Variants in NCOA1 observed in about 807,000 individuals in gnomAD.
NCOA1 encodes nuclear receptor coactivator 1, also known as Hin-2 protein.
Under a neutral mutation model 150.9 loss-of-function variants are expected in NCOA1, and 35 were observed. The ratio of observed to expected loss-of-function variants is 0.23; its 90% CI spans 0.18 to 0.31. The LOEUF (loss-of-function observed/expected upper bound fraction) is 0.31. NCOA1 is among the 10% of genes least tolerant of loss of function. NCOA1 has a pLI of 1.00. For missense variants in NCOA1, 1,491 were observed against 1,749.3 expected, an observed-to-expected ratio of 0.85 and a Z score of 2.63; for synonymous variants, 590 against 630.0, an observed-to-expected ratio of 0.94 and a Z score of 0.95.
At chr2:24,634,863 A>G (rs1453462688) in intron 3 of NCOA1, among the ~76,000 whole-genome samples, 4 of 151,926 alleles carry the variant, frequency 2.6e-5, no homozygotes, top group Non-Finnish European at 4.4e-5. Context: ...CTACAGGCAC[A>G]CACCACCTTG....
intron 1 of NCOA1, among the ~76,000 whole-genome samples, chr2:24,558,362 GA>G (rs1247860899): frequency 6.6e-6 from 1 of 152,170 alleles, no homozygotes. Context: ...GGAAGAAAAA[GA>G]GATTTAATTG....
chr2:24,742,124 G>A lies in NCOA1; in HGVS notation c.3644G>A (p.Gly1215Glu). 1 of 1,614,154 alleles carries A rather than the reference G, an allele frequency of 6.2e-7. No homozygotes were observed. Among genetic ancestry groups the A allele is most frequent in the Non-Finnish European group, 8.5e-7 (1 of 1,180,004 alleles). ...AGAGGCATGACAGGAAACATAGGAG[G>A]ACAGTTTGGCACTGGAATCAATCCT... ...VSRGMTGNIGGQFGTGINPQM... is the reference protein window; with the variant it reads ...VSRGMTGNIGEQFGTGINPQM... The change falls in exon 19 of 23, where the codon GGA becomes GAA. Residue 1215 changes from glycine to glutamate, a missense_variant. By Grantham distance (98) the Gly-to-Glu change is moderately conservative. This residue lies in a region of NCOA1 where 485 missense variants were observed against 522.8 expected (regional missense o/e 0.93). Transcript: ENST00000348332.
chr2:24,544,595 T>G (rs1314603403), intron 1 of NCOA1, among the ~76,000 whole-genome samples: 1 of 151,886 alleles, frequency 6.6e-6, no homozygotes, highest in African/African-American at 2.4e-5. Context: ...TACAAAAAAT[T>G]TGCTGGGCAT....
At chr2:24,496,499 G>C (rs762063622) in intron 1 of NCOA1, among the ~76,000 whole-genome samples, 1 of 152,112 alleles carries the variant, frequency 6.6e-6, no homozygotes, top group Non-Finnish European at 1.5e-5. Context: ...CATCAAAGCT[G>C]GTATGTTTTC....
intron 2 of NCOA1, among the ~76,000 whole-genome samples, chr2:24,576,603 A>G (rs1383838769): frequency 6.6e-6 from 1 of 152,204 alleles, no homozygotes; most frequent in Non-Finnish European, 1.5e-5. Flanking sequence ...CTGGGACAAC[A>G]AATCTAATCT....
chr2:24,732,859 C>G (rs1663088905), intron 17 of NCOA1, among the ~76,000 whole-genome samples: 1 of 151,862 alleles, frequency 6.6e-6, no homozygotes, highest in Admixed American at 6.6e-5. Flanking sequence ...GTACCTCTTT[C>G]CAAAAGCCAG....
intron 4 of NCOA1, among the ~76,000 whole-genome samples, 199 bp from the exon 5 acceptor site, chr2:24,658,462 A>G (rs911928061): frequency 2.0e-5 from 3 of 152,190 alleles, no homozygotes; most frequent in African/African-American, 7.2e-5. Flanking sequence ...TTACAGATGT[A>G]GAAAAGAAAG....
intron 6 of NCOA1, among the ~76,000 whole-genome samples, chr2:24,666,638 AT>A (rs36037041): frequency 0.44 from 63,972 of 145,224 alleles, 15,261 homozygotes; most frequent in Admixed American, 0.6. Flanking sequence ...AAAAACCCGG[AT>A]TTTTTTTTTT....
At chr2:24,725,574 A>G (rs940720894) in intron 14 of NCOA1, among the ~76,000 whole-genome samples, 17 of 152,292 alleles carry the variant, frequency 1.1e-4, no homozygotes, top group Non-Finnish European at 7.4e-5. Flanking sequence ...TTAGGACTTC[A>G]GCATATTAAT....
At chr2:24,501,740 C>T (rs1663471954) in intron 1 of NCOA1, among the ~76,000 whole-genome samples, 1 of 152,146 alleles carries the variant, frequency 6.6e-6, no homozygotes, top group African/African-American at 2.4e-5. Flanking sequence ...GATCTGTAAG[C>T]ACTCTGAAAT....
chr2:24,667,069 A>G (rs974219141), intron 6 of NCOA1, among the ~76,000 whole-genome samples: 1 of 152,204 alleles, frequency 6.6e-6, no homozygotes, highest in Non-Finnish European at 1.5e-5. Flanking sequence ...AGCACAAATA[A>G]CAAACAGAAG....
At chr2:24,536,736 C>T (rs1036827452) in intron 1 of NCOA1, among the ~76,000 whole-genome samples, 1 of 152,114 alleles carries the variant, frequency 6.6e-6, no homozygotes, top group African/African-American at 2.4e-5. Flanking sequence ...TTGGAGTTTG[C>T]TGGAGGTCCA....
chr2:24,667,276 TCCTACTCCCTAA>T (rs1448773333), intron 6 of NCOA1, among the ~76,000 whole-genome samples: 1 of 152,086 alleles, frequency 6.6e-6, no homozygotes. Flanking sequence ...ACAGCCTGGC[TCCTACTCCCTAA>T]ATTGGGGGTG....
intron 2 of NCOA1, among the ~76,000 whole-genome samples, chr2:24,565,751 G>A (rs1367374011): frequency 6.6e-6 from 1 of 152,208 alleles, no homozygotes; most frequent in Non-Finnish European, 1.5e-5. Flanking sequence ...GCAAGCGAGT[G>A]TGGGGTCTGG....
At chr2:24,503,468 CA>C (rs768850950) in intron 1 of NCOA1, among the ~76,000 whole-genome samples, 3 of 152,144 alleles carry the variant, frequency 2.0e-5, no homozygotes, top group Non-Finnish European at 4.4e-5. Context: ...CAATAAAATA[CA>C]AATTTTAATT....
chr2:24,606,542 C>A (rs1287967306), intron 3 of NCOA1, among the ~76,000 whole-genome samples: 1 of 152,182 alleles, frequency 6.6e-6, no homozygotes, highest in Non-Finnish European at 1.5e-5. Context: ...TGGCCTTATA[C>A]CTTCATAATG....
chr2:24,684,106 A>C (rs920966282), intron 8 of NCOA1, among the ~76,000 whole-genome samples: 4 of 152,220 alleles, frequency 2.6e-5, no homozygotes, highest in African/African-American at 9.7e-5. Flanking sequence ...GAAGTCAAAC[A>C]ATGTAAGATT....
At chr2:24,554,989 C>T (rs1666016276) in intron 1 of NCOA1, among the ~76,000 whole-genome samples, 1 of 151,974 alleles carries the variant, frequency 6.6e-6, no homozygotes, top group South Asian at 2.1e-4. Flanking sequence ...CGGAGTTTGT[C>T]ATCTCACACC....
chr2:24,508,843 C>T (rs76062794), intron 1 of NCOA1, among the ~76,000 whole-genome samples: 9,970 of 152,198 alleles, frequency 0.066, 365 homozygotes, highest in Non-Finnish European at 0.08. Context: ...CACACAAAAT[C>T]TCTGGTTATC....
Sources: allele counts gnomAD v4.1 joint callset (sites outside exome capture counted in the v4.1 genomes callset), GRCh38; gene constraint gnomAD v4.1.1; regional missense constraint gnomAD v4.1.1; transcripts MANE v1.5; gene names NCBI Gene and HGNC (gene_info 2026-07-23, HGNC 2026-07-21).